Variants in DLGAP2 observed in about 807,000 individuals in gnomAD.
DLGAP2 encodes disks large-associated protein 2.
Under a neutral mutation model 100.3 loss-of-function variants are expected in DLGAP2, and 26 were observed. That is an observed-to-expected ratio of 0.26 (90% CI 0.19 to 0.36). The LOEUF is 0.36. DLGAP2 is among the 10% of genes least tolerant of loss of function. The probability of loss-of-function intolerance (pLI) is 1.00; values close to 1 mark genes in which losing one functional copy is unlikely to be tolerated. For synonymous variants in DLGAP2, 886 were observed against 630.1 expected (o/e 1.41, Z -6.08); for missense variants, 1,858 against 1,453.2 (o/e 1.28, Z -4.53).
At chr8:1,260,648 C>G (rs1057466849) in intron 3 of DLGAP2, among the ~76,000 whole-genome samples, 1 of 150,900 alleles carries the variant, frequency 6.6e-6, no homozygotes, top group Non-Finnish European at 1.5e-5. Context: ...CCCAGTAAAT[C>G]AGAATCCATG....
intron 8 of DLGAP2, among the ~76,000 whole-genome samples, chr8:1,639,941 G>A (rs1158918405): frequency 1.3e-5 from 2 of 152,148 alleles, no homozygotes; most frequent in African/African-American, 4.8e-5. Flanking sequence ...TCAAAATCCT[G>A]AATTTACTCA....
intron 2 of DLGAP2, among the ~76,000 whole-genome samples, chr8:1,067,849 A>G (rs12677463): frequency 0.033 from 4,993 of 151,530 alleles, 216 homozygotes; most frequent in East Asian, 0.14. Context: ...CACTCTTGGC[A>G]TTGTCACTGC....
chr8:870,482 A>C (rs868557336), intron 1 of DLGAP2, among the ~76,000 whole-genome samples: 10 of 152,204 alleles, frequency 6.6e-5, no homozygotes, highest in Middle Eastern at 6.8e-3. Flanking sequence ...TGGAGAATTC[A>C]AATTTCCTGC....
At chr8:1,422,290 C>G (rs1175606609) in intron 3 of DLGAP2, among the ~76,000 whole-genome samples, 2 of 152,140 alleles carry the variant, frequency 1.3e-5, no homozygotes, top group Admixed American at 1.3e-4. Flanking sequence ...AAATGTCATT[C>G]TAGTTTTCAC....
chr8:817,679 C>G (rs1015683572), intron 1 of DLGAP2, among the ~76,000 whole-genome samples: 1 of 152,170 alleles, frequency 6.6e-6, no homozygotes. Flanking sequence ...GTGTTCTCCC[C>G]CTTCCCTTAG....
At chr8:1,200,294 C>G (rs575518956) in intron 2 of DLGAP2, among the ~76,000 whole-genome samples, 2 of 152,198 alleles carry the variant, frequency 1.3e-5, no homozygotes, top group Admixed American at 6.5e-5. Flanking sequence ...CCTCTTGCTC[C>G]GGGGTCCTGC....
At chr8:929,707 C>G (rs561882201) in intron 2 of DLGAP2, among the ~76,000 whole-genome samples, 1 of 133,792 alleles carries the variant, frequency 7.5e-6, no homozygotes, top group Non-Finnish European at 1.6e-5. Context: ...CATCCCACAC[C>G]GCGGTACTCA....
At chr8:1,284,090 G>A (rs1449828528) in intron 3 of DLGAP2, among the ~76,000 whole-genome samples, 2 of 152,116 alleles carry the variant, frequency 1.3e-5, no homozygotes, top group African/African-American at 4.8e-5. Context: ...AATTACTATT[G>A]CCCTGTCCTT....
At chr8:1,471,898 G>A (rs1309227528) in intron 3 of DLGAP2, among the ~76,000 whole-genome samples, 2 of 152,318 alleles carry the variant, frequency 1.3e-5, no homozygotes, top group Admixed American at 6.5e-5. Context: ...GCAGGCCTGC[G>A]GTCCGTAAAC....
At chr8:1,068,943 T>A in intron 2 of DLGAP2, among the ~76,000 whole-genome samples, 1 of 152,072 alleles carries the variant, frequency 6.6e-6, no homozygotes, top group South Asian at 2.1e-4. Flanking sequence ...TCAGGGCAGG[T>A]TCTGGCCTGG....
intron 2 of DLGAP2, among the ~76,000 whole-genome samples, chr8:914,753 G>C (rs1798556097): frequency 6.6e-6 from 1 of 152,246 alleles, no homozygotes; most frequent in African/African-American, 2.4e-5. Context: ...ATAGCTCAAG[G>C]CTGCATGTTC....
chr8:1,688,567 A>T (rs1380765923), intron 12 of DLGAP2: 1 of 152,196 alleles, frequency 6.6e-6, no homozygotes, highest in Non-Finnish European at 1.5e-5. Flanking sequence ...ACACAGGACA[A>T]CACTTACTGC....
rs533647580 is a variant in DLGAP2, at chr8:1,687,573, A to C, written c.2705-3962A>C. On this transcript the variant is annotated intron_variant, in intron 12 of 14. Transcript: ENST00000637795. ...CATTAGCAGGCATGTCATTAGCTACACTTTTTGACATTCATTATCTCTCCC... is the reference window on the plus strand; with the variant it reads ...CATTAGCAGGCATGTCATTAGCTACCCTTTTTGACATTCATTATCTCTCCC... Among the ~76,000 whole-genome samples the C allele has an allele frequency of 3.3e-5, 5 of 152,330 alleles. No homozygotes were observed. In the East Asian group the frequency reaches 9.6e-4, roughly 29 times the overall value.
intron 4 of DLGAP2, among the ~76,000 whole-genome samples, chr8:1,505,989 T>A (rs908215260): frequency 6.6e-6 from 1 of 152,250 alleles, no homozygotes; most frequent in Non-Finnish European, 1.5e-5. Flanking sequence ...ATATTATATA[T>A]GCAGCACAAC....
rs544706453 is a variant in DLGAP2 at position 1,018,150 on chromosome 8, C to T, written c.73+110184C>T. ...CCCTCCATCCTCATGCTTGGCCCTG[C>T]TCAGTCAGATGCATTATCCTAGACT... is the stretch of plus-strand genomic sequence containing the variant. On this transcript the variant is annotated intron_variant, in intron 2 of 14. Coordinates refer to ENST00000637795, the MANE Select transcript of DLGAP2 (RefSeq NM_001346810.2). 3.4e-4 allele frequency among the ~76,000 whole-genome samples: 51 copies of T among 151,680 alleles called. 1 individual carries two copies. The South Asian group carries it at 0.011, about 31-fold the overall frequency.
chr8:1,420,100 C>G (rs1797046610), intron 3 of DLGAP2, among the ~76,000 whole-genome samples: 1 of 152,144 alleles, frequency 6.6e-6, no homozygotes, highest in Non-Finnish European at 1.5e-5. Flanking sequence ...AGTCCCTTTT[C>G]CCTTCCTGGA....
At chr8:917,845 C>G (rs1411977888) in intron 2 of DLGAP2, among the ~76,000 whole-genome samples, 1 of 152,184 alleles carries the variant, frequency 6.6e-6, no homozygotes, top group Non-Finnish European at 1.5e-5. Context: ...TCCTAGAGTG[C>G]TGGGATTACA....
intron 3 of DLGAP2, among the ~76,000 whole-genome samples, chr8:1,364,303 G>GA (rs1292604669): frequency 1.3e-5 from 2 of 151,964 alleles, no homozygotes; most frequent in Non-Finnish European, 1.5e-5. Flanking sequence ...TCCAGGTGGG[G>GA]ACAGAGCTGG....
intron 4 of DLGAP2, 45 bp downstream of exon 4, chr8:1,501,476 A>G: frequency 6.6e-7 from 1 of 1,524,234 alleles, no homozygotes; most frequent in East Asian, 2.4e-5. Context: ...CCCGGACAGA[A>G]CCGGGCATGC....
Sources: gnomAD v4.1 joint callset for allele counts (sites outside exome capture counted in the v4.1 genomes callset) on GRCh38, gnomAD v4.1.1 for gene constraint, MANE v1.5 for transcripts, NCBI Gene and HGNC (gene_info 2026-07-23, HGNC 2026-07-21) for gene names.